TRIM2: variants seen among roughly 807,000 people sequenced by gnomAD.
The protein encoded by TRIM2 is tripartite motif-containing protein 2.
In TRIM2, 20 loss-of-function variants were observed where a neutral mutation model predicts 75.2. That is an observed-to-expected ratio of 0.27 (90% CI 0.19 to 0.39). The LOEUF is 0.39. Among genes scored for constraint, TRIM2 ranks in the 10% least tolerant of loss-of-function variants. TRIM2 has a pLI of 1.00. For missense variants in TRIM2, 660 were observed against 990.8 expected (o/e 0.67, Z 4.48); for synonymous variants, 373 against 388.3 (o/e 0.96, Z 0.46).
intron 8 of TRIM2, among the ~76,000 whole-genome samples, chr4:153,322,326 G>T (rs1769179305): frequency 6.6e-6 from 1 of 152,214 alleles, no homozygotes; most frequent in Admixed American, 6.5e-5. Flanking sequence ...CAGGAGAATT[G>T]CATGAACCCA....
intron 6 of TRIM2, among the ~76,000 whole-genome samples, chr4:153,305,108 C>G (rs1314347012): frequency 6.6e-6 from 1 of 152,158 alleles, no homozygotes; most frequent in Non-Finnish European, 1.5e-5. Flanking sequence ...AATTTAAACT[C>G]CCAGCTGTTA....
chr4:153,179,336 A>G (rs1019819142), intron 1 of TRIM2, among the ~76,000 whole-genome samples: 1 of 150,000 alleles, frequency 6.7e-6, no homozygotes, highest in African/African-American at 2.4e-5. Context: ...TTAATAAATT[A>G]TTTTATTGAT....
At chr4:153,332,407 G>A (rs1008001523) in intron 11 of TRIM2, among the ~76,000 whole-genome samples, 8 of 152,212 alleles carry the variant, frequency 5.3e-5, no homozygotes, top group African/African-American at 1.9e-4. Flanking sequence ...CACTTTGGGA[G>A]GCCAAGGCGG....
At chr4:153,175,433 G>T (rs1171214144) in intron 1 of TRIM2, among the ~76,000 whole-genome samples, 5 of 152,104 alleles carry the variant, frequency 3.3e-5, no homozygotes, top group Non-Finnish European at 7.4e-5. Flanking sequence ...TCACACTGCC[G>T]TGATGGTGGC....
At chr4:153,262,500 G>C (rs921178631) in intron 1 of TRIM2, among the ~76,000 whole-genome samples, 1 of 152,048 alleles carries the variant, frequency 6.6e-6, no homozygotes, top group Non-Finnish European at 1.5e-5. Context: ...CCAATCTTAG[G>C]TTTTACAATA....
chr4:153,201,058 G>A (rs974272815), upstream of TRIM2, among the ~76,000 whole-genome samples: 1 of 152,034 alleles, frequency 6.6e-6, no homozygotes, highest in African/African-American at 2.4e-5. Flanking sequence ...CCACCTCCTG[G>A]GTTCAAGCAA....
At chr4:153,245,352 CCAGA>C (rs1264252669) in intron 1 of TRIM2, among the ~76,000 whole-genome samples, 1 of 152,202 alleles carries the variant, frequency 6.6e-6, no homozygotes, top group Non-Finnish European at 1.5e-5. Flanking sequence ...GTCTTAATGT[CCAGA>C]CAGTGAGTTA....
intron 1 of TRIM2, among the ~76,000 whole-genome samples, chr4:153,165,192 A>G (rs917849875): frequency 6.6e-6 from 1 of 152,058 alleles, no homozygotes; most frequent in Non-Finnish European, 1.5e-5. Flanking sequence ...TAATTCTTCT[A>G]CATTAGATTC....
intron 6 of TRIM2, among the ~76,000 whole-genome samples, chr4:153,296,895 C>T (rs746679186): frequency 1.3e-5 from 2 of 152,182 alleles, no homozygotes; most frequent in Non-Finnish European, 2.9e-5. Context: ...TGAAAGAGTG[C>T]TGCACTGTAT....
intron 1 of TRIM2, among the ~76,000 whole-genome samples, chr4:153,175,310 G>A (rs1328560550): frequency 1.3e-5 from 2 of 152,046 alleles, no homozygotes; most frequent in South Asian, 2.1e-4. Context: ...CTGAGCCACC[G>A]AGCCCGGCCC....
chr4:153,239,109 T>G (rs1388820283), intron 1 of TRIM2, among the ~76,000 whole-genome samples: 1 of 152,094 alleles, frequency 6.6e-6, no homozygotes, highest in Non-Finnish European at 1.5e-5. Context: ...TCCCAGCACT[T>G]TGGGAGGCCG....
intron 2 of TRIM2, among the ~76,000 whole-genome samples, chr4:153,274,973 G>C (rs1757696686): frequency 6.6e-6 from 1 of 152,170 alleles, no homozygotes; most frequent in Non-Finnish European, 1.5e-5. Context: ...CAAAATAAGG[G>C]GAATGGGGCT....
intron 1 of TRIM2, among the ~76,000 whole-genome samples, chr4:153,157,338 C>A (rs532207188): frequency 1.4e-4 from 22 of 152,244 alleles, no homozygotes; most frequent in African/African-American, 5.1e-4. Flanking sequence ...AGTCCTTTTG[C>A]CAGCCTCTTG....
At chr4:153,254,695 C>G (rs950194315) in intron 1 of TRIM2, among the ~76,000 whole-genome samples, 2 of 152,190 alleles carry the variant, frequency 1.3e-5, no homozygotes, top group Admixed American at 1.3e-4. Flanking sequence ...TTTGCCAAGA[C>G]ATATGCTAAA....
chr4:153,191,292 T>A (rs1026554913), intron 1 of TRIM2, among the ~76,000 whole-genome samples: 2 of 152,346 alleles, frequency 1.3e-5, no homozygotes, highest in Admixed American at 1.3e-4. Context: ...TCCAGATCAG[T>A]CATCTATGGC....
chr4:153,184,733 T>A (rs142966664), intron 1 of TRIM2, among the ~76,000 whole-genome samples: 1 of 152,336 alleles, frequency 6.6e-6, no homozygotes, highest in African/African-American at 2.4e-5. Context: ...TCAGAGTTCA[T>A]TGGGAAATCA....
intron 6 of TRIM2, among the ~76,000 whole-genome samples, chr4:153,306,409 T>G (rs1579542214): frequency 6.6e-6 from 1 of 152,332 alleles, no homozygotes; most frequent in Non-Finnish European, 1.5e-5. Flanking sequence ...CAGATATGTG[T>G]CAGTTTTGAT....
At chr4:153,282,611 T>C (rs563110530) in intron 3 of TRIM2, among the ~76,000 whole-genome samples, 2 of 152,214 alleles carry the variant, frequency 1.3e-5, no homozygotes, top group South Asian at 4.1e-4. Flanking sequence ...ATTTTATTTG[T>C]TTGTTTGTTT....
intron 1 of TRIM2, among the ~76,000 whole-genome samples, chr4:153,269,877 C>A (rs923846979): frequency 6.6e-6 from 1 of 152,190 alleles, no homozygotes; most frequent in Admixed American, 6.5e-5. Context: ...GCTTATTGGT[C>A]ATTTTGAGGT....
Sources: allele counts gnomAD v4.1 joint callset (sites outside exome capture counted in the v4.1 genomes callset), GRCh38; gene constraint gnomAD v4.1.1; transcripts MANE v1.5; gene names NCBI Gene and HGNC (gene_info 2026-07-23, HGNC 2026-07-21).